Variants in PRH1 observed in about 807,000 individuals in gnomAD.
PRH1 encodes the protein proline rich protein HaeIII subfamily 1, also known as salivary acidic proline-rich phosphoprotein 1/2.
A neutral mutation model predicts 7.9 loss-of-function variants in PRH1; 7 were observed. The ratio of observed to expected loss-of-function variants is 0.89; its 90% CI spans 0.50 to 1.67. The LOEUF (loss-of-function observed/expected upper bound fraction) is 1.67, where lower values mean the gene tolerates loss of function less well. Among genes scored for constraint, PRH1 ranks in the 40% most tolerant of loss-of-function variants. PRH1 has a pLI of 0.00. For synonymous variants in PRH1, 45 were observed against 80.8 expected, an observed-to-expected ratio of 0.56 and a Z score of 2.38; for missense variants, 109 against 223.6, an observed-to-expected ratio of 0.49 and a Z score of 3.27.
At chr12:11,049,631 C>T (rs1328480966), upstream of PRH1, among the ~76,000 whole-genome samples, 1 of 152,098 alleles carries the variant, frequency 6.6e-6, no homozygotes, top group African/African-American at 2.4e-5. Flanking sequence ...TCCTTGCTAA[C>T]CTCTCCATAA....
At chr12:11,165,917 G>A (rs1324565613) in intron 1 of PRH1, among the ~76,000 whole-genome samples, 2 of 152,194 alleles carry the variant, frequency 1.3e-5, no homozygotes, top group East Asian at 1.9e-4. Context: ...TCCCAGTATA[G>A]TGGCATTGCT....
upstream of PRH1, chr12:11,048,988 T>C (rs75739694): frequency 3.4e-6 from 1 of 290,318 alleles, no homozygotes; most frequent in Non-Finnish European, 6.9e-6. Context: ...TGCTTGGTTA[T>C]TGCTGAGACA....
At chr12:11,048,292 T>A (rs878985283), upstream of PRH1, 1 of 214,602 alleles carries the variant, frequency 4.7e-6, no homozygotes, top group Non-Finnish European at 9.6e-6. Flanking sequence ...CAGTTTGTTT[T>A]CAGCTAAAAG....
chr12:10,886,290 G>C (rs1949491076), upstream of PRH1, among the ~76,000 whole-genome samples: 1 of 152,196 alleles, frequency 6.6e-6, no homozygotes, highest in Non-Finnish European at 1.5e-5. Context: ...GAACAAAGAG[G>C]AGTGCCAGGC....
At chr12:11,156,621 CTAAT>C (rs1428535467) in intron 1 of PRH1, among the ~76,000 whole-genome samples, 20 of 152,080 alleles carry the variant, frequency 1.3e-4, no homozygotes, top group African/African-American at 4.6e-4. Flanking sequence ...ATTGTTAAAT[CTAAT>C]TGATTGTTAA....
At chr12:10,983,835 C>T (rs1939478852) in intron 1 of PRH1, among the ~76,000 whole-genome samples, 1 of 152,100 alleles carries the variant, frequency 6.6e-6, no homozygotes. Flanking sequence ...TTCACATTTG[C>T]TTTGCCTCAA....
intron 2 of PRH1, among the ~76,000 whole-genome samples, chr12:10,901,480 T>C (rs1173403042): frequency 6.6e-6 from 1 of 152,132 alleles, no homozygotes; most frequent in African/African-American, 2.4e-5. Flanking sequence ...TTGGAAGACC[T>C]ATAGGTGGAC....
In PRH1 at chr12:11,085,633, G is replaced by A. The variant is rs925235081; in HGVS notation, n.124-38445C>T. Among the ~76,000 whole-genome samples the A allele has an allele frequency of 4.3e-5, 5 of 115,504 alleles. 1 individual carries two copies. The highest frequency in any genetic ancestry group is 8.2e-5 in the Non-Finnish European group (4 of 48,910). 75.8% of individuals were successfully genotyped at this position (115,504 alleles called of 152,430 possible). A position where few individuals can be genotyped will look rare whatever the true frequency, so the allele number is the denominator to read the frequency against. ...TGAATGAGTTCAGGGCTGACTTAAC[G>A]GAAAATATGATAATTTCCAAAACAG... On this transcript the variant is annotated intron_variant and non_coding_transcript_variant, in intron 1 of 4. Coordinates refer to the PRH1 transcript ENST00000541977.
chr12:11,087,219 A>C (rs1944737063), intron 1 of PRH1, among the ~76,000 whole-genome samples: 2 of 116,042 alleles, frequency 1.7e-5, no homozygotes, highest in Admixed American at 1.7e-4. Flanking sequence ...CTCCTGCCTC[A>C]GCTTCCCAAG....
intron 2 of PRH1, among the ~76,000 whole-genome samples, chr12:10,900,011 T>C (rs9669144): frequency 0.5 from 75,384 of 152,000 alleles, 20,937 homozygotes; most frequent in East Asian, 0.72. Flanking sequence ...CCAACCTACA[T>C]AAATTTTTCA....
chr12:11,018,817 G>T (rs1941430857), intron 1 of PRH1, among the ~76,000 whole-genome samples: 1 of 152,244 alleles, frequency 6.6e-6, no homozygotes, highest in Non-Finnish European at 1.5e-5. Context: ...TTCCATGAGG[G>T]CATACTTTTG....
intron 1 of PRH1, among the ~76,000 whole-genome samples, chr12:11,126,871 A>G (rs1056963745): frequency 1.1e-4 from 17 of 152,262 alleles, no homozygotes; most frequent in Middle Eastern, 3.2e-3. Flanking sequence ...AAAATAGTCT[A>G]TAAGCCTAAT....
At chr12:10,995,554 C>T (rs1461774383) in intron 1 of PRH1, among the ~76,000 whole-genome samples, 3 of 152,034 alleles carry the variant, frequency 2.0e-5, no homozygotes, top group Non-Finnish European at 4.4e-5. Flanking sequence ...ATCTTTAAGA[C>T]ATTTCCTATC....
chr12:10,960,994 A>C (rs1024828962), intron 2 of PRH1, among the ~76,000 whole-genome samples: 2 of 152,194 alleles, frequency 1.3e-5, no homozygotes, highest in African/African-American at 4.8e-5. Flanking sequence ...TCACTAATGG[A>C]GTTTCCAAAG....
At chr12:11,147,660 A>T (rs201948353) in intron 1 of PRH1, among the ~76,000 whole-genome samples, 2 of 152,188 alleles carry the variant, frequency 1.3e-5, no homozygotes, top group East Asian at 1.9e-4. Flanking sequence ...ATTATACTGT[A>T]AATTTGTCTA....
At chr12:10,930,653 C>A (rs762380492) in intron 2 of PRH1, 2 of 1,613,636 alleles carry the variant, frequency 1.2e-6, no homozygotes, top group Non-Finnish European at 1.7e-6. Context: ...CTTGTTTCAA[C>A]TCACACAGAT....
At chr12:10,986,183 T>C (rs1939612247) in intron 1 of PRH1, 3 of 1,614,074 alleles carry the variant, frequency 1.9e-6, no homozygotes, top group Non-Finnish European at 2.5e-6. Flanking sequence ...TTTGCAAAGC[T>C]TTTATGTGGA....
intron 2 of PRH1, among the ~76,000 whole-genome samples, chr12:10,971,270 A>C (rs1452512847): frequency 1.3e-5 from 2 of 152,234 alleles, no homozygotes; most frequent in Non-Finnish European, 2.9e-5. Flanking sequence ...CCAATGTAAT[A>C]AATTGCAATG....
chr12:11,133,521 A>T, intron 1 of PRH1: 1 of 1,614,206 alleles, frequency 6.2e-7, no homozygotes, highest in Non-Finnish European at 8.5e-7. Context: ...ATGGACAGAA[A>T]GTAAATGGCA....
Sources: gnomAD v4.1 joint callset for allele counts (sites outside exome capture counted in the v4.1 genomes callset) on GRCh38, gnomAD v4.1.1 for gene constraint, MANE v1.5 for transcripts, NCBI Gene and HGNC (gene_info 2026-07-23, HGNC 2026-07-21) for gene names.